The following FHIT variants were observed in gnomAD, a reference collection of about 807,000 sequenced individuals.
FHIT encodes the protein fragile histidine triad diadenosine triphosphatase, also known as bis(5'-adenosyl)-triphosphatase.
A neutral mutation model predicts 17.9 loss-of-function variants in FHIT; 19 were observed. The ratio of observed to expected loss-of-function variants is 1.06; its 90% CI spans 0.74 to 1.56. The LOEUF (loss-of-function observed/expected upper bound fraction) is 1.56, where lower values mean the gene tolerates loss of function less well. Ranked by LOEUF, FHIT falls within the 40% of genes most tolerant of loss-of-function variation. The probability of loss-of-function intolerance (pLI) is 0.00; values close to 1 mark genes in which losing one functional copy is unlikely to be tolerated. For synonymous variants in FHIT, 81 were observed against 69.7 expected (o/e 1.16, Z -0.81); for missense variants, 248 against 189.2 (o/e 1.31, Z -1.82).
intron 3 of FHIT, among the ~76,000 whole-genome samples, chr3:60,840,173 C>G (rs1449020079): frequency 4.6e-5 from 7 of 152,086 alleles, no homozygotes. Flanking sequence ...AAGGTGTGAA[C>G]TAGAATACAA....
intron 5 of FHIT, among the ~76,000 whole-genome samples, chr3:60,217,663 C>G (rs1176486261): frequency 1.3e-5 from 2 of 152,170 alleles, no homozygotes; most frequent in Non-Finnish European, 1.5e-5. Flanking sequence ...CTGGCTTCAT[C>G]AGGAGCCTGT....
chr3:61,077,054 T>C (rs922983145), intron 2 of FHIT, among the ~76,000 whole-genome samples: 1 of 152,150 alleles, frequency 6.6e-6, no homozygotes, highest in Admixed American at 6.6e-5. Context: ...ATAAACTCCA[T>C]GAAGTCAGAT....
chr3:61,008,129 G>GTACT (rs2031570574), intron 3 of FHIT, among the ~76,000 whole-genome samples: 7 of 152,270 alleles, frequency 4.6e-5, no homozygotes, highest in African/African-American at 1.7e-4. Flanking sequence ...CAGTTCTAGG[G>GTACT]AATTCAACCA....
chr3:60,848,688 C>A (rs894548097), intron 3 of FHIT, among the ~76,000 whole-genome samples: 10 of 152,150 alleles, frequency 6.6e-5, no homozygotes, highest in African/African-American at 2.4e-4. Context: ...ATACTTACCT[C>A]ACCATATTGT....
chr3:60,479,741 A>C (rs1302851655), intron 5 of FHIT, among the ~76,000 whole-genome samples: 1 of 152,030 alleles, frequency 6.6e-6, no homozygotes, highest in East Asian at 1.9e-4. Flanking sequence ...AGAAGCATGA[A>C]CCCTATTGTG....
chr3:59,833,260 T>A (rs1266417517), intron 8 of FHIT, among the ~76,000 whole-genome samples: 1 of 152,150 alleles, frequency 6.6e-6, no homozygotes, highest in Admixed American at 6.5e-5. Context: ...GGAAATGGCA[T>A]TGAGGATGCA....
At chr3:61,226,027 C>A (rs1294910541) in intron 1 of FHIT, among the ~76,000 whole-genome samples, 1 of 152,146 alleles carries the variant, frequency 6.6e-6, no homozygotes. Context: ...AGTAGAATTT[C>A]TCTGCTTAAT....
intron 5 of FHIT, 117 bp downstream of exon 5, chr3:60,536,743 G>T: frequency 9.1e-7 from 1 of 1,104,792 alleles, no homozygotes; most frequent in Non-Finnish European, 1.2e-6. Context: ...GAGGGAGATG[G>T]ATTCTTTATT....
chr3:61,206,309 T>C lies in FHIT; in HGVS notation c.-212-5644A>G, dbSNP rs563539391. ...TTGACTTGGTGATGCAGGCTCTTTT[T>C]TGGTTCCATATGAACTTTAAAGTAG... On this transcript the variant is annotated intron_variant, in intron 1 of 9. Transcript: ENST00000492590. Among the ~76,000 whole-genome samples, 53 of 133,046 alleles carry C rather than the reference T, an allele frequency of 4.0e-4. 5 individuals are homozygous for C. The highest frequency in any genetic ancestry group is 1.4e-3 in the African/African-American group (52 of 35,940). The allele number at this position is 133,046 out of a possible 152,430, so 87.3% of individuals were successfully genotyped here. A position where few individuals can be genotyped will look rare whatever the true frequency, so the allele number is the denominator to read the frequency against.
At chr3:60,007,742 A>G (rs1348835074) in intron 7 of FHIT, among the ~76,000 whole-genome samples, 1 of 152,210 alleles carries the variant, frequency 6.6e-6, no homozygotes, top group African/African-American at 2.4e-5. Context: ...ATGATAAAAG[A>G]GTATGACTTG....
At chr3:60,153,967 TAAAC>T (rs886089831) in intron 5 of FHIT, among the ~76,000 whole-genome samples, 5 of 152,200 alleles carry the variant, frequency 3.3e-5, no homozygotes, top group African/African-American at 7.2e-5. Flanking sequence ...TAAAAACAAG[TAAAC>T]AAACAAAGTT....
chr3:61,116,875 T>A (rs938329267), intron 2 of FHIT, among the ~76,000 whole-genome samples: 14 of 152,296 alleles, frequency 9.2e-5, no homozygotes, highest in Admixed American at 3.3e-4. Flanking sequence ...AAAAGCTTCA[T>A]CTTCCCCAAA....
At chr3:60,675,393 G>T (rs2080647787) in intron 4 of FHIT, among the ~76,000 whole-genome samples, 1 of 152,198 alleles carries the variant, frequency 6.6e-6, no homozygotes, top group South Asian at 2.1e-4. Context: ...CATGTTCTCA[G>T]ATATCTGACT....
intron 4 of FHIT, among the ~76,000 whole-genome samples, chr3:60,615,342 A>C (rs1242874958): frequency 6.6e-6 from 1 of 152,244 alleles, no homozygotes; most frequent in Non-Finnish European, 1.5e-5. Flanking sequence ...GCTCTCAGAC[A>C]TACCAGCTAT....
At chr3:59,910,800 T>C (rs1250551755) in intron 8 of FHIT, among the ~76,000 whole-genome samples, 2 of 152,210 alleles carry the variant, frequency 1.3e-5, no homozygotes, top group Admixed American at 6.5e-5. Context: ...TATCTTTTTC[T>C]GAAGTTTCCG....
At chr3:60,407,133 T>A (rs914079258) in intron 5 of FHIT, among the ~76,000 whole-genome samples, 1 of 137,080 alleles carries the variant, frequency 7.3e-6, no homozygotes, top group Non-Finnish European at 1.6e-5. Flanking sequence ...TTGCTTATAA[T>A]CAAGGCAATG....
At chr3:60,479,483 T>C (rs927082449) in intron 5 of FHIT, among the ~76,000 whole-genome samples, 5 of 152,234 alleles carry the variant, frequency 3.3e-5, no homozygotes, top group Non-Finnish European at 5.9e-5. Context: ...AGTGACATCC[T>C]AGCTGTCTTA....
intron 2 of FHIT, among the ~76,000 whole-genome samples, chr3:61,095,743 C>T (rs2035618892): frequency 2.0e-5 from 3 of 152,216 alleles, no homozygotes; most frequent in Non-Finnish European, 2.9e-5. Flanking sequence ...GCTGCCACCA[C>T]ATTTACTGTG....
chr3:60,363,764 C>T (rs79262939), intron 5 of FHIT, among the ~76,000 whole-genome samples: 7,007 of 152,128 alleles, frequency 0.046, 538 homozygotes, highest in African/African-American at 0.16. Flanking sequence ...GCCCCCCTGG[C>T]CCCCCTGGCT....
Sources: gnomAD v4.1 joint callset for allele counts (sites outside exome capture counted in the v4.1 genomes callset) on GRCh38, gnomAD v4.1.1 for gene constraint, MANE v1.5 for transcripts, NCBI Gene and HGNC (gene_info 2026-07-23, HGNC 2026-07-21) for gene names.